The following FAM184A variants were observed in gnomAD, a reference collection of about 807,000 sequenced individuals.
FAM184A encodes family with sequence similarity 184 member A.
In FAM184A, 99 loss-of-function variants were observed where a neutral mutation model predicts 143.8. That is an observed-to-expected ratio of 0.69 (90% CI 0.58 to 0.81). The LOEUF (loss-of-function observed/expected upper bound fraction) is 0.81. Ranked by LOEUF, FAM184A falls within the 40% of genes least tolerant of loss-of-function variation. The pLI, the probability that FAM184A is intolerant of heterozygous loss-of-function variation, is 0.00. For synonymous variants in FAM184A, 427 were observed against 446.4 expected, an observed-to-expected ratio of 0.96 and a Z score of 0.55; for missense variants, 1,217 against 1,310.5, an observed-to-expected ratio of 0.93 and a Z score of 1.10.
chr6:118,980,093 T>G (rs1783975302), intron 10 of FAM184A, 45 bp downstream of exon 10: 1 of 1,536,242 alleles, frequency 6.5e-7, no homozygotes, highest in East Asian at 2.3e-5. Flanking sequence ...CTAATTATTA[T>G]TAGGCAGTTG....
At chr6:119,037,967 G>A (rs899785070) in intron 1 of FAM184A, among the ~76,000 whole-genome samples, 3 of 152,058 alleles carry the variant, frequency 2.0e-5, no homozygotes, top group African/African-American at 7.3e-5. Flanking sequence ...GAGGAAATAC[G>A]AAATAATTTG....
At chr6:119,081,786 G>A (rs545042447), upstream of FAM184A, among the ~76,000 whole-genome samples, 3 of 152,290 alleles carry the variant, frequency 2.0e-5, no homozygotes, top group East Asian at 5.8e-4. Flanking sequence ...TCTGCCAGTC[G>A]ACGGCCTGCT....
chr6:119,028,862 C>T (rs1027762597), intron 1 of FAM184A, among the ~76,000 whole-genome samples: 2 of 152,164 alleles, frequency 1.3e-5, no homozygotes, highest in Non-Finnish European at 2.9e-5. Flanking sequence ...GAATCTGATG[C>T]TATCTTCAGG....
At chr6:118,966,493 T>C (rs987243050) in intron 15 of FAM184A, among the ~76,000 whole-genome samples, 2 of 152,198 alleles carry the variant, frequency 1.3e-5, no homozygotes, top group Non-Finnish European at 2.9e-5. Flanking sequence ...GGCTTTTCTT[T>C]GCTAGCCAAT....
At position 119,026,217 on chromosome 6, in the gene FAM184A, A is replaced by C. The variant is rs187144777; in HGVS notation, c.160-1404T>G. 2.0e-5 allele frequency among the ~76,000 whole-genome samples: 3 copies of C among 152,334 alleles called. No individual in the cohort carries two copies. In the East Asian group the frequency reaches 5.8e-4, roughly 29 times the overall value. ...TGCTATCCCTTTTTGCAAAGTCTAC[A>C]GGAAAAAATGTGAACAGAAGTACTT... On this transcript the variant is annotated intron_variant, in intron 1 of 17. Transcript: ENST00000338891.
In FAM184A at chr6:119,078,072, C is replaced by CCGGGGAGA; in HGVS notation, c.159+61_159+68dup. On this transcript the variant is annotated intron_variant, in intron 1 of 17. Coordinates refer to ENST00000338891, the MANE Select transcript of FAM184A (RefSeq NM_024581.6). The surrounding 1 kb of genome is among the most constrained non-coding windows in gnomAD (Gnocchi z 5.5). ...CTGCGGGCGCAGGGCGCACTGCCTCCCGGGGAGACAGGTGAGTCCGGCGCG... is the reference window on the plus strand; with the variant it reads ...CTGCGGGCGCAGGGCGCACTGCCTCCCGGGGAGACGGGGAGACAGGTGAGTCCGGCGCG... 1 of 1,514,038 alleles carries CCGGGGAGA rather than the reference C, an allele frequency of 6.6e-7. No individual in the cohort carries two copies. The highest frequency in any genetic ancestry group is 8.8e-7 in the Non-Finnish European group (1 of 1,133,038). The allele number at this position is 1,514,038 out of a possible 1,614,324, so 93.8% of individuals were successfully genotyped here.
At chr6:119,139,647 TA>T (rs34268474) in intron 1 of FAM184A, among the ~76,000 whole-genome samples, 5,225 of 142,474 alleles carry the variant, frequency 0.037, 281 homozygotes, top group African/African-American at 0.12. Flanking sequence ...ATATTTAAAG[TA>T]AAAAAAAAAA....
At chr6:119,084,928 G>A (rs957347768) in intron 1 of FAM184A, among the ~76,000 whole-genome samples, 1 of 152,244 alleles carries the variant, frequency 6.6e-6, no homozygotes, top group Non-Finnish European at 1.5e-5. Context: ...AGACAGAGCA[G>A]GGAGCAGGGT....
intron 1 of FAM184A, among the ~76,000 whole-genome samples, chr6:119,045,291 A>ATTTTTTTTTTTTTTTTTTTT (rs3058653): frequency 7.0e-6 from 1 of 143,262 alleles, no homozygotes; most frequent in Non-Finnish European, 1.5e-5. Context: ...CAGTTTCTCA[A>ATTTTTTTTTTTTTTTTTTTT]TTTTTTTTTT....
Position 119,078,319 on chromosome 6 carries a change from C to T in FAM184A, c.-20G>A, listed in dbSNP as rs763165513. The T allele has an allele frequency of 7.0e-7, 1 of 1,429,750 alleles. No individual in the cohort carries two copies. The highest frequency in any genetic ancestry group is 9.1e-7 in the Non-Finnish European group (1 of 1,095,850). 88.6% of individuals were successfully genotyped at this position (1,429,750 alleles called of 1,614,324 possible). A position where few individuals can be genotyped will look rare whatever the true frequency, so the allele number is the denominator to read the frequency against. ...CGCCATCTTCCCAACAGACCCCAGC[C>T]GGGGCACCTGTCCCCGCGGGTGGAG... On this transcript the variant is annotated 5_prime_UTR_variant, in exon 1 of 18. Transcript: ENST00000338891. The surrounding 1 kb of genome is among the most constrained non-coding windows in gnomAD (Gnocchi z 5.5).
intron 1 of FAM184A, among the ~76,000 whole-genome samples, chr6:119,104,170 C>G (rs1788717694): frequency 6.6e-6 from 1 of 151,920 alleles, no homozygotes; most frequent in Non-Finnish European, 1.5e-5. Flanking sequence ...ACCACAGGTG[C>G]CTGCCACCAA....
chr6:118,990,005 T>C (rs1352889027), intron 9 of FAM184A, among the ~76,000 whole-genome samples: 2 of 151,962 alleles, frequency 1.3e-5, no homozygotes, highest in African/African-American at 4.8e-5. Context: ...ATTTTTGTAT[T>C]TTTAGTAGAG....
intron 1 of FAM184A, among the ~76,000 whole-genome samples, chr6:119,122,338 T>C (rs183513872): frequency 6.6e-6 from 1 of 152,204 alleles, no homozygotes; most frequent in East Asian, 1.9e-4. Context: ...TCTGCTGTGT[T>C]AACTTAAAAA....
intron 1 of FAM184A, among the ~76,000 whole-genome samples, chr6:119,072,229 T>C (rs1374991219): frequency 6.6e-6 from 1 of 152,180 alleles, no homozygotes; most frequent in African/African-American, 2.4e-5. Flanking sequence ...TTGTGACCAG[T>C]TAATTAACAG....
chr6:118,986,579 GATTTC>G (rs1030878454), intron 9 of FAM184A, among the ~76,000 whole-genome samples: 26 of 152,254 alleles, frequency 1.7e-4, no homozygotes, highest in Admixed American at 1.5e-3. Context: ...TTATAAAAGA[GATTTC>G]ATTGTGTTAC....
Position 119,015,895 on chromosome 6 carries a change from A to T in FAM184A, c.1530+852T>A, listed in dbSNP as rs200153227. On this transcript the variant is annotated intron_variant, in intron 5 of 17. Coordinates refer to ENST00000338891, the MANE Select transcript of FAM184A (RefSeq NM_024581.6). ...AAGGTTTGTGAGTGCACCAATCGAC[A>T]CTCTGTATCTAGCTGCTCTGGTGGG... Among the ~76,000 whole-genome samples the T allele has an allele frequency of 4.2e-4, 64 of 152,184 alleles. No homozygotes were observed. The East Asian group carries it at 0.011, about 27-fold the overall frequency.
chr6:118,973,569 G>T (rs1051691092), intron 14 of FAM184A, among the ~76,000 whole-genome samples: 2 of 152,126 alleles, frequency 1.3e-5, no homozygotes, highest in African/African-American at 4.8e-5. Flanking sequence ...TGACTTTACT[G>T]AAGTATGTGG....
intron 1 of FAM184A, among the ~76,000 whole-genome samples, chr6:119,025,264 A>G (rs1352460046): frequency 6.6e-6 from 1 of 152,190 alleles, no homozygotes; most frequent in Non-Finnish European, 1.5e-5. Flanking sequence ...CATGAAGAGA[A>G]GCCCTAGGCC....
intron 9 of FAM184A, among the ~76,000 whole-genome samples, chr6:118,986,824 G>A (rs1180763123): frequency 2.6e-5 from 4 of 152,056 alleles, no homozygotes; most frequent in Non-Finnish European, 5.9e-5. Context: ...ATGTCAAAAT[G>A]TCTATATTGA....
Sources: gnomAD v4.1 joint callset for allele counts (sites outside exome capture counted in the v4.1 genomes callset) on GRCh38, gnomAD v4.1.1 for gene constraint, Gnocchi (gnomAD v3.1) non-coding constraint, MANE v1.5 for transcripts, NCBI Gene and HGNC (gene_info 2026-07-23, HGNC 2026-07-21) for gene names.